C1QTNF3: variants seen among roughly 807,000 people sequenced by gnomAD.
C1QTNF3 encodes complement C1q tumor necrosis factor-related protein 3.
A neutral mutation model predicts 32.6 loss-of-function variants in C1QTNF3; 26 were observed. The observed-to-expected ratio is 0.80, with a 90% CI of 0.58 to 1.11. C1QTNF3 has a LOEUF of 1.11. Among genes scored for constraint, C1QTNF3 ranks in the 50% least tolerant of loss-of-function variants. The pLI is 0.00. For missense variants in C1QTNF3, 362 were observed against 398.2 expected (o/e 0.91, Z 0.77); for synonymous variants, 155 against 146.0 (o/e 1.06, Z -0.44).
upstream of C1QTNF3, among the ~76,000 whole-genome samples, chr5:34,044,657 T>G (rs572321618): frequency 6.6e-6 from 1 of 152,238 alleles, no homozygotes; most frequent in South Asian, 2.1e-4. Context: ...TGGAAAGGGT[T>G]TGGTGCTGGG....
intron 5 of C1QTNF3, among the ~76,000 whole-genome samples, chr5:34,023,167 T>C (rs1420989725): frequency 6.6e-6 from 1 of 152,190 alleles, no homozygotes; most frequent in Non-Finnish European, 1.5e-5. Flanking sequence ...AAGTCAGTTT[T>C]ATAGACAGCA....
intron 1 of C1QTNF3, among the ~76,000 whole-genome samples, chr5:34,038,699 A>C (rs1754799267): frequency 6.6e-6 from 1 of 152,234 alleles, no homozygotes; most frequent in African/African-American, 2.4e-5. Context: ...CACAAGGCTC[A>C]GACAGGCTTT....
the C1QTNF3 span, among the ~76,000 whole-genome samples, chr5:34,091,581 T>A: frequency 1.3e-5 from 2 of 152,292 alleles, no homozygotes; most frequent in Admixed American, 1.3e-4. Context: ...GACATTTGTA[T>A]GAAAGTGTTA....
At chr5:34,022,907 G>C (rs1478395754) in intron 5 of C1QTNF3, among the ~76,000 whole-genome samples, 1 of 152,188 alleles carries the variant, frequency 6.6e-6, no homozygotes, top group Admixed American at 6.5e-5. Flanking sequence ...CCAGGCTGGA[G>C]TGCAGTGGCG....
the C1QTNF3 span, among the ~76,000 whole-genome samples, chr5:34,195,588 T>A: frequency 7.2e-5 from 11 of 152,350 alleles, no homozygotes; most frequent in East Asian, 1.9e-3. Flanking sequence ...ATGCCTGTAA[T>A]CCCAGCACTT....
the C1QTNF3 span, among the ~76,000 whole-genome samples, chr5:34,078,424 G>C: frequency 6.6e-6 from 1 of 151,992 alleles, no homozygotes; most frequent in South Asian, 2.1e-4. The surrounding 1 kb of genome is among the most constrained non-coding windows in gnomAD (Gnocchi z 4.0). Context: ...TACAATCATG[G>C]CGGAAGGGGA....
At chr5:34,088,585 T>C in the C1QTNF3 span, among the ~76,000 whole-genome samples, 1 of 152,230 alleles carries the variant, frequency 6.6e-6, no homozygotes, top group African/African-American at 2.4e-5. Context: ...AATGGTTCTC[T>C]GACATTTGGC....
the C1QTNF3 span, among the ~76,000 whole-genome samples, chr5:34,178,451 G>C: frequency 6.6e-6 from 1 of 151,914 alleles, no homozygotes; most frequent in Admixed American, 6.6e-5. Flanking sequence ...GCTGTTCCCT[G>C]TGTGTCAACT....
At chr5:34,227,833 T>C in the C1QTNF3 span, among the ~76,000 whole-genome samples, 2 of 151,980 alleles carry the variant, frequency 1.3e-5, no homozygotes, top group Admixed American at 6.6e-5. Flanking sequence ...TCCTTACAAC[T>C]TGTCTCAACC....
the C1QTNF3 span, among the ~76,000 whole-genome samples, chr5:34,082,691 T>G: frequency 4.9e-3 from 738 of 151,862 alleles, 22 homozygotes; most frequent in Middle Eastern, 0.02. Context: ...CCAAGTCTAT[T>G]AATAACCTGC....
the C1QTNF3 span, among the ~76,000 whole-genome samples, chr5:34,147,326 C>T: frequency 6.6e-6 from 1 of 152,146 alleles, no homozygotes; most frequent in Non-Finnish European, 1.5e-5. Context: ...CCAAAGGAAA[C>T]ACAGATCATT....
chr5:34,028,012 GC>G (rs1183718967), intron 4 of C1QTNF3, among the ~76,000 whole-genome samples: 1 of 151,198 alleles, frequency 6.6e-6, no homozygotes, highest in Non-Finnish European at 1.5e-5. Flanking sequence ...TCGCTCTGTC[GC>G]CCAGGCTGGA....
chr5:34,226,498 A>C, the C1QTNF3 span, among the ~76,000 whole-genome samples: 3 of 151,808 alleles, frequency 2.0e-5, no homozygotes, highest in African/African-American at 7.3e-5. Context: ...ACACAGTCAA[A>C]GTTGATAGTG....
the C1QTNF3 span, chr5:34,165,791 T>C: frequency 1.3e-5 from 2 of 151,114 alleles, no homozygotes; most frequent in East Asian, 3.9e-4. Flanking sequence ...AAAATTTACA[T>C]GAACACTCAG....
At chr5:34,228,111 T>A in the C1QTNF3 span, among the ~76,000 whole-genome samples, 1 of 151,964 alleles carries the variant, frequency 6.6e-6, no homozygotes, top group African/African-American at 2.4e-5. Context: ...CCATATCACT[T>A]TCAACCTTTT....
the C1QTNF3 span, among the ~76,000 whole-genome samples, chr5:34,229,770 T>G: frequency 6.6e-6 from 1 of 152,342 alleles, no homozygotes; most frequent in Non-Finnish European, 1.5e-5. Flanking sequence ...ATGATTGGCA[T>G]TGTTCAAATA....
the C1QTNF3 span, among the ~76,000 whole-genome samples, chr5:34,117,131 A>G: frequency 2.6e-5 from 4 of 151,972 alleles, no homozygotes; most frequent in African/African-American, 9.7e-5. Flanking sequence ...GTGATATCTA[A>G]TACATCATCC....
intron 2 of C1QTNF3, among the ~76,000 whole-genome samples, 188 bp downstream of exon 2, chr5:34,035,458 AC>A (rs1754712777): frequency 6.6e-6 from 1 of 152,208 alleles, no homozygotes; most frequent in African/African-American, 2.4e-5. Context: ...GAAGACTATG[AC>A]CTGGTCGTTT....
the C1QTNF3 span, among the ~76,000 whole-genome samples, chr5:34,058,246 C>T: frequency 1.3e-5 from 2 of 151,962 alleles, no homozygotes; most frequent in Non-Finnish European, 2.9e-5. Context: ...ACCCCTTTAC[C>T]TTTGCTCATT....
Sources: gnomAD v4.1 joint callset for allele counts (sites outside exome capture counted in the v4.1 genomes callset) on GRCh38, gnomAD v4.1.1 for gene constraint, Gnocchi (gnomAD v3.1) non-coding constraint, MANE v1.5 for transcripts, NCBI Gene and HGNC (gene_info 2026-07-23, HGNC 2026-07-21) for gene names.